Variants in ZFHX3 observed in about 807,000 individuals in gnomAD.
The protein encoded by ZFHX3 is zinc finger homeobox 3, also known as zinc finger homeobox protein 3.
A neutral mutation model predicts 279.1 loss-of-function variants in ZFHX3; 42 were observed. The observed-to-expected ratio is 0.15, with a 90% CI of 0.12 to 0.19. The LOEUF is 0.19. Ranked by LOEUF, ZFHX3 falls within the 10% of genes least tolerant of loss-of-function variation. ZFHX3 has a pLI of 1.00. For synonymous variants in ZFHX3, 2,293 were observed against 1,957.8 expected, an observed-to-expected ratio of 1.17 and a Z score of -4.52; for missense variants, 4,981 against 4,754.0, an observed-to-expected ratio of 1.05 and a Z score of -1.40.
chr16:73,713,510 A>C (rs61318076), intron 1 of ZFHX3, among the ~76,000 whole-genome samples: 15,529 of 152,210 alleles, frequency 0.1, 897 homozygotes, highest in South Asian at 0.14. Flanking sequence ...CATGCAATGC[A>C]TGAAGCTGGC....
intron 1 of ZFHX3, among the ~76,000 whole-genome samples, chr16:73,877,201 T>TTG (rs112129642): frequency 9.5e-6 from 1 of 105,584 alleles, no homozygotes; most frequent in Non-Finnish European, 2.0e-5. Context: ...GGGGGTTAGG[T>TTG]CGGGGGGGGG....
chr16:73,655,719 G>C (rs2052715659), intron 2 of ZFHX3, among the ~76,000 whole-genome samples: 1 of 152,154 alleles, frequency 6.6e-6, no homozygotes, highest in African/African-American at 2.4e-5. Flanking sequence ...ACCAAGTATT[G>C]AGGAAGCTGC....
intron 2 of ZFHX3, among the ~76,000 whole-genome samples, chr16:73,458,687 C>G (rs1260890258): frequency 6.6e-6 from 1 of 152,174 alleles, no homozygotes; most frequent in African/African-American, 2.4e-5. Flanking sequence ...TCGGTCACCT[C>G]TCCCTACCCC....
intron 3 of ZFHX3, among the ~76,000 whole-genome samples, chr16:72,922,082 T>A (rs996524997): frequency 3.3e-5 from 5 of 152,114 alleles, no homozygotes; most frequent in African/African-American, 1.2e-4. Context: ...AAGCCCACAC[T>A]CTGCCACTGA....
At chr16:73,717,063 G>T (rs954155941) in intron 1 of ZFHX3, among the ~76,000 whole-genome samples, 1 of 152,048 alleles carries the variant, frequency 6.6e-6, no homozygotes, top group Non-Finnish European at 1.5e-5. Flanking sequence ...AGAAGAAAAG[G>T]AAATTTGCAG....
intron 1 of ZFHX3, among the ~76,000 whole-genome samples, chr16:73,778,236 TAAAAAAAAA>T (rs10654824): frequency 8.5e-5 from 5 of 58,706 alleles, no homozygotes; most frequent in African/African-American, 3.9e-4. Context: ...GAAGGAGTGT[TAAAAAAAAA>T]AAAAAAAAAA....
intron 3 of ZFHX3, among the ~76,000 whole-genome samples, chr16:73,435,542 C>T (rs955609388): frequency 5.9e-5 from 9 of 152,092 alleles, no homozygotes; most frequent in Admixed American, 1.3e-4. Flanking sequence ...CTGTTCTGTA[C>T]TCCGTAGCAA....
chr16:73,254,388 G>A (rs1340242682), intron 5 of ZFHX3, among the ~76,000 whole-genome samples: 1 of 151,694 alleles, frequency 6.6e-6, no homozygotes, highest in Admixed American at 6.6e-5. Context: ...TTTGGCTTCT[G>A]CTTGTTGGAG....
chr16:73,750,473 C>G (rs1019600171), intron 1 of ZFHX3, among the ~76,000 whole-genome samples: 2 of 152,172 alleles, frequency 1.3e-5, no homozygotes, highest in African/African-American at 4.8e-5. Flanking sequence ...CACAATACCA[C>G]GCTATGTGTG....
At chr16:73,663,687 T>C (rs1191970761) in intron 2 of ZFHX3, among the ~76,000 whole-genome samples, 1 of 152,180 alleles carries the variant, frequency 6.6e-6, no homozygotes, top group Non-Finnish European at 1.5e-5. Context: ...GCTGAATAAA[T>C]GTTTGTTAAC....
At chr16:72,892,273 C>G (rs16971373) in intron 3 of ZFHX3, among the ~76,000 whole-genome samples, 1 of 152,114 alleles carries the variant, frequency 6.6e-6, no homozygotes, top group South Asian at 2.1e-4. Flanking sequence ...CCAACTTGTA[C>G]GTAAGAATGG....
At chr16:73,453,630 C>T (rs546165849) in intron 3 of ZFHX3, among the ~76,000 whole-genome samples, 8 of 152,254 alleles carry the variant, frequency 5.3e-5, no homozygotes, top group Non-Finnish European at 8.8e-5. Context: ...CCCGTGGATT[C>T]CATATGGAAA....
chr16:73,203,908 G>A (rs529762545), intron 5 of ZFHX3, among the ~76,000 whole-genome samples: 263 of 152,242 alleles, frequency 1.7e-3, no homozygotes, highest in African/African-American at 5.9e-3. Flanking sequence ...TATGAAAGCT[G>A]GAATTGTTCT....
intron 3 of ZFHX3, among the ~76,000 whole-genome samples, chr16:73,372,034 C>G (rs148268365): frequency 1.7e-3 from 261 of 152,292 alleles, no homozygotes; most frequent in African/African-American, 6.1e-3. Context: ...CTTCTATTTC[C>G]AAGAAGTCAA....
At chr16:73,102,648 T>C (rs78521620) in intron 7 of ZFHX3, among the ~76,000 whole-genome samples, 2,601 of 152,024 alleles carry the variant, frequency 0.017, 80 homozygotes, top group African/African-American at 0.059. Context: ...CATTTGCTAA[T>C]ATGGAAATTT....
chr16:73,725,139 A>G (rs1051756985), intron 1 of ZFHX3, among the ~76,000 whole-genome samples: 5 of 152,234 alleles, frequency 3.3e-5, no homozygotes, highest in African/African-American at 7.2e-5. Flanking sequence ...TCTGACAAAC[A>G]TCTGGTCAAT....
intron 2 of ZFHX3, chr16:73,608,946 C>A (rs1389752956): frequency 6.6e-6 from 1 of 152,154 alleles, no homozygotes; most frequent in African/African-American, 2.4e-5. Flanking sequence ...TAGGTTCTAT[C>A]TTCCGTCTAT....
chr16:73,030,485 G>A (rs560803529), intron 1 of ZFHX3, among the ~76,000 whole-genome samples: 12 of 152,312 alleles, frequency 7.9e-5, no homozygotes, highest in African/African-American at 1.9e-4. Context: ...TAGAAATATC[G>A]GCAGCCTCTA....
intron 8 of ZFHX3, among the ~76,000 whole-genome samples, chr16:73,076,028 C>G (rs1965883985): frequency 6.6e-6 from 1 of 152,058 alleles, no homozygotes; most frequent in Non-Finnish European, 1.5e-5. Context: ...CTGGATGGCC[C>G]CCAACAAATC....
Sources: gnomAD v4.1 joint callset for allele counts (sites outside exome capture counted in the v4.1 genomes callset) on GRCh38, gnomAD v4.1.1 for gene constraint, MANE v1.5 for transcripts, NCBI Gene and HGNC (gene_info 2026-07-23, HGNC 2026-07-21) for gene names.